Variants in COL11A2 observed in about 807,000 individuals in gnomAD.
COL11A2 encodes the protein collagen type XI alpha 2 chain.
COL11A2 carries 116 observed loss-of-function variants against 273.4 expected under a neutral mutation model. The observed-to-expected ratio is 0.42, with a 90% CI of 0.36 to 0.49. The LOEUF (loss-of-function observed/expected upper bound fraction) is 0.49. Ranked by LOEUF, COL11A2 falls within the 20% of genes least tolerant of loss-of-function variation. The pLI, the probability that COL11A2 is intolerant of heterozygous loss-of-function variation, is 0.00. For synonymous variants in COL11A2, 782 were observed against 864.2 expected, an observed-to-expected ratio of 0.90 and a Z score of 1.67; for missense variants, 1,866 against 2,309.0, an observed-to-expected ratio of 0.81 and a Z score of 3.93.
At position 33,172,108 on chromosome 6, in the gene COL11A2, G is replaced by A. The variant is rs763215997; in HGVS notation, c.2989-5C>T. 2 of 1,612,840 alleles carry A rather than the reference G, an allele frequency of 1.2e-6. No homozygotes were observed. The highest frequency in any genetic ancestry group is 3.3e-4 in the Middle Eastern group (2 of 6,062). ...CCCCTTCAAACCAGGTCCACCCTAT[G>A]AACCAGACATTTGGGGAAGATGAGA... On this transcript the variant is annotated splice_region_variant and splice_polypyrimidine_tract_variant and intron_variant, in intron 40 of 65. Transcript: ENST00000341947.
At chr6:33,171,038 A>G (rs1769970319) in intron 45 of COL11A2, 76 bp downstream of exon 45, 8 of 1,579,260 alleles carry the variant, frequency 5.1e-6, no homozygotes, top group Non-Finnish European at 6.9e-6. Context: ...TCCCACTCCC[A>G]GCCACAAGGG....
At chr6:33,180,130 T>A (rs1308539864) in intron 12 of COL11A2, 128 bp downstream of exon 12, 1 of 1,044,714 alleles carries the variant, frequency 9.6e-7, no homozygotes, top group Admixed American at 1.7e-5. Context: ...CGAATCCCTT[T>A]GGAGTGATGA....
At chr6:33,175,333 ACAG>A (rs1770743599) in intron 30 of COL11A2, 1 of 654,566 alleles carries the variant, frequency 1.5e-6, no homozygotes, top group Non-Finnish European at 2.8e-6. Context: ...CCTTGAAGCA[ACAG>A]CTACTCTCTA....
At position 33,176,870 on chromosome 6, in the gene COL11A2, A is replaced by T. The variant is rs1054982336; in HGVS notation, c.2071-105T>A. The T allele has an allele frequency of 2.0e-6, 3 of 1,535,160 alleles. No individual in the cohort carries two copies. In the African/African-American group the frequency reaches 4.1e-5, roughly 21 times the overall value. On this transcript the variant is annotated intron_variant, in intron 25 of 65. Transcript: ENST00000341947. The surrounding 1 kb of genome is among the most constrained non-coding windows in gnomAD (Gnocchi z 4.9). ...AATTTCCTGTGACCTAGTGAAGCCA[A>T]CTGTCCATGGACAAGCACCACCAGT...
intron 30 of COL11A2, among the ~76,000 whole-genome samples, chr6:33,174,989 C>T (rs1170172673): frequency 6.6e-6 from 1 of 152,130 alleles, no homozygotes; most frequent in African/African-American, 2.4e-5. Context: ...CGTGCATGCC[C>T]CCTTCCCCAG....
At chr6:33,174,481 A>C in intron 31 of COL11A2, 46 bp downstream of exon 31, 1 of 1,603,828 alleles carries the variant, frequency 6.2e-7, no homozygotes, top group African/African-American at 1.3e-5. Context: ...GGAAGCGAAG[A>C]GGAGGAGGGA....
intron 42 of COL11A2, 61 bp from the exon 43 acceptor site, chr6:33,171,635 A>G: frequency 3.1e-6 from 5 of 1,600,390 alleles, no homozygotes; most frequent in Non-Finnish European, 4.3e-6. Context: ...AACACCCCAC[A>G]GGAAACTTGT....
chr6:33,170,260 G>A lies in COL11A2; in HGVS notation c.3582+66C>T. 1 of 1,589,472 alleles carries A rather than the reference G, an allele frequency of 6.3e-7. No individual in the cohort carries two copies. On this transcript the variant is annotated intron_variant, in intron 48 of 65. Coordinates refer to ENST00000341947, the MANE Select transcript of COL11A2 (RefSeq NM_080680.3). The surrounding 1 kb of genome is among the most constrained non-coding windows in gnomAD (Gnocchi z 4.3). The stretch of plus-strand genomic sequence containing the variant: ...CCCTGAGACGATACTAGAGTTTATG[G>A]TCTGGGAAAGGGAGGCAGAAGACCA...
chr6:33,191,789 C>T (rs1048184326), intron 1 of COL11A2, among the ~76,000 whole-genome samples: 3 of 152,234 alleles, frequency 2.0e-5, no homozygotes, highest in Non-Finnish European at 4.4e-5. Flanking sequence ...GGCCATAAGA[C>T]ACACACGCCT....
chr6:33,181,304 G>GC, intron 8 of COL11A2, 134 bp from the exon 9 acceptor site: 1 of 899,024 alleles, frequency 1.1e-6, no homozygotes, highest in South Asian at 1.4e-5. Context: ...AAGCCCCACA[G>GC]CCCTCCCCTA....
Position 33,178,545 on chromosome 6 carries a change from C to T in COL11A2, c.1720-57G>A. Reference sequence around the variant, plus strand: ...TCAGAGCCCCCAACACAGGCAGACACCGAACCTCTGCACTTAGCCCATCCA... The same window carrying T: ...TCAGAGCCCCCAACACAGGCAGACATCGAACCTCTGCACTTAGCCCATCCA... On this transcript the variant is annotated intron_variant, in intron 18 of 65. Transcript: ENST00000341947. The surrounding 1 kb of genome is among the most constrained non-coding windows in gnomAD (Gnocchi z 4.6). 6.2e-7 allele frequency: 1 copy of T among 1,611,154 alleles called. No homozygotes were observed. Among genetic ancestry groups the T allele is most frequent in the Admixed American group, 1.7e-5 (1 of 60,018 alleles).
In COL11A2 at chr6:33,185,768, G is replaced by T. The variant is rs1367103162; in HGVS notation, c.809C>A (p.Ser270Tyr). 23 of 1,331,990 alleles carry T rather than the reference G, an allele frequency of 1.7e-5. No individual in the cohort carries two copies. The highest frequency in any genetic ancestry group is 2.3e-5 in the Non-Finnish European group (23 of 992,588). The allele number at this position is 1,331,990 out of a possible 1,614,324, so 82.5% of individuals were successfully genotyped here. The change falls in exon 6 of 66, where the codon TCT becomes TAT. Residue 270 changes from serine (S) to tyrosine (Y), a missense_variant. Physicochemically the swap from Ser to Tyr is moderately radical, Grantham distance 144. Transcript: ENST00000341947. ...GGGGGGCTCGTAGTCATAGTAGAGA[G>T]ACTCAGTGGGCTGGGATTGGGGGGT... ...NQEPQSQPTE[S>Y]LYYDYEPPYY...
rs2150531422 is a variant in COL11A2, at chr6:33,168,714, C to T, written c.3898G>A (p.Gly1300Arg). The T allele has an allele frequency of 1.3e-6, 2 of 1,593,082 alleles. No homozygotes were observed. The highest frequency in any genetic ancestry group is 1.3e-5 in the African/African-American group (1 of 74,356). The change falls in exon 53 of 66, where the codon GGA becomes AGA. Residue 1300 changes from glycine (G) to arginine (R), a missense_variant. By Grantham distance (125) the Gly-to-Arg change is moderately radical. Coordinates refer to ENST00000341947, the MANE Select transcript of COL11A2 (RefSeq NM_080680.3). ...KGDRGEDGEP[G>R]QPGSPGPTGE... ...GGTCACCAGGCACTCACAGGCTGTC[C>T]TGGCTCACCATCCTCGCCTCGGTCA...
In COL11A2 at chr6:33,167,815, CCTT is replaced by C. The variant is rs2150527286; in HGVS notation, c.3995_3997del (p.Gln1332_Gly1333delinsArg). On this transcript the variant is annotated inframe_deletion, in exon 55 of 66. Transcript: ENST00000341947. This position sits in a 1 kb window ranked among gnomAD's most constrained non-coding sequence, Gnocchi z 6.1. The stretch of plus-strand genomic sequence containing the variant: ...GTCCCTCACCTTGGCTCCCTTCCCT[CCTT>C]GTCGCCCCTCGGAACCAGGCGAGCC... 1.2e-6 allele frequency: 2 copies of C among 1,612,844 alleles called. No individual in the cohort carries two copies. Among genetic ancestry groups the C allele is most frequent in the Non-Finnish European group, 1.7e-6 (2 of 1,179,936 alleles).
chr6:33,177,253 G>C lies in COL11A2; in HGVS notation c.1972-28C>G, dbSNP rs1562352999. The stretch of plus-strand genomic sequence containing the variant: ...ACATACAGGGAAAGAGAAGTCACAG[G>C]GGCCTCCCAGGGTCTCTTCTATCCA... On this transcript the variant is annotated intron_variant, in intron 23 of 65. Coordinates refer to ENST00000341947, the MANE Select transcript of COL11A2 (RefSeq NM_080680.3). The surrounding 1 kb of genome is among the most constrained non-coding windows in gnomAD (Gnocchi z 5.9). 1.2e-6 allele frequency: 2 copies of C among 1,612,844 alleles called. No individual in the cohort carries two copies. The highest frequency in any genetic ancestry group is 4.5e-5 in the East Asian group (2 of 44,880).
chr6:33,174,649 A>C, intron 30 of COL11A2, 69 bp from the exon 31 acceptor site: 1 of 1,480,052 alleles, frequency 6.8e-7, no homozygotes, highest in Non-Finnish European at 9.4e-7. Flanking sequence ...TGGAGACCTC[A>C]ACCCTCACAT....
rs1395437106 is a variant in COL11A2 at position 33,176,748 on chromosome 6, T to C, written c.2088A>G (p.Glu696=). The C allele has an allele frequency of 6.2e-7, 1 of 1,613,088 alleles. No individual in the cohort carries two copies. The highest frequency in any genetic ancestry group is 8.5e-7 in the Non-Finnish European group (1 of 1,179,714). ...GGTTTCCTTTGGTTCCAGGGGGACC[T>C]TCCTTCCCTGGGTGACCCTGGGAGT... ...SDGPPGHPGK[E]GPPGTKGNQG... Residue 696 remains glutamate, a synonymous_variant, in exon 26 of 66, where the codon GAA becomes GAG. Transcript: ENST00000341947. The surrounding 1 kb of genome is among the most constrained non-coding windows in gnomAD (Gnocchi z 4.9).
At position 33,185,017 on chromosome 6, in the gene COL11A2, G is replaced by T. The variant is rs1049821607; in HGVS notation, c.914C>A (p.Ser305Ter). 2 of 1,551,162 alleles carry T rather than the reference G, an allele frequency of 1.3e-6. No individual in the cohort carries two copies. The highest frequency in any genetic ancestry group is 1.7e-6 in the Non-Finnish European group (2 of 1,146,756). The stretch of plus-strand genomic sequence containing the variant: ...CTCCTCAAGGGGTGGCAAGAGGCTC[G>T]ACTCCAGGATTTCTTCCTCTTCACC... ...TPGEEEEILESSLLPPLEEEQ... is the reference protein window; with the variant it reads ...TPGEEEEILE Residue 305 changes from serine (S) to a stop codon, truncating the protein, a stop_gained, in exon 7 of 66, where the codon TCG becomes TAG. Coordinates refer to ENST00000341947, the MANE Select transcript of COL11A2 (RefSeq NM_080680.3). LOFTEE classifies it high-confidence loss of function.
intron 31 of COL11A2, 101 bp downstream of exon 31, chr6:33,174,426 G>A (rs1291481772): frequency 6.7e-7 from 1 of 1,486,342 alleles, no homozygotes; most frequent in Non-Finnish European, 9.2e-7. Flanking sequence ...TCCCTCTGGG[G>A]TCCCCCACTG....
Sources: allele counts gnomAD v4.1 joint callset (sites outside exome capture counted in the v4.1 genomes callset), GRCh38; gene constraint gnomAD v4.1.1; non-coding constraint Gnocchi (gnomAD v3.1); transcripts MANE v1.5; gene names NCBI Gene and HGNC (gene_info 2026-07-23, HGNC 2026-07-21).